The following RAPGEF4 variants were observed in gnomAD, a reference collection of about 807,000 sequenced individuals.
The protein encoded by RAPGEF4 is RAP guanine-nucleotide-exchange factor (GEF) 4.
In RAPGEF4, 66 loss-of-function variants were observed where a neutral mutation model predicts 147.9. That is an observed-to-expected ratio of 0.45 (90% CI 0.37 to 0.55). The LOEUF is 0.55. Among genes scored for constraint, RAPGEF4 ranks in the 20% least tolerant of loss-of-function variants. RAPGEF4 has a pLI of 0.00. For missense variants in RAPGEF4, 1,071 were observed against 1,257.3 expected, an observed-to-expected ratio of 0.85 and a Z score of 2.24; for synonymous variants, 419 against 442.7, an observed-to-expected ratio of 0.95 and a Z score of 0.67.
intron 3 of RAPGEF4, among the ~76,000 whole-genome samples, chr2:172,805,899 A>G (rs1687446647): frequency 6.6e-6 from 1 of 152,188 alleles, no homozygotes; most frequent in African/African-American, 2.4e-5. Context: ...TTTCTCAGTA[A>G]TATTTTAATC....
chr2:172,872,219 C>T (rs73977720), intron 4 of RAPGEF4, among the ~76,000 whole-genome samples: 2,126 of 152,118 alleles, frequency 0.014, 47 homozygotes, highest in East Asian at 0.11. Context: ...GTTAATGGTT[C>T]TTTACTAGTT....
At chr2:172,981,653 A>C (rs1691697011) in intron 10 of RAPGEF4, among the ~76,000 whole-genome samples, 1 of 152,232 alleles carries the variant, frequency 6.6e-6, no homozygotes, top group African/African-American at 2.4e-5. Flanking sequence ...TGATTCCAGA[A>C]GAGAACGTTA....
chr2:172,789,057 A>G (rs1685538926), intron 1 of RAPGEF4, among the ~76,000 whole-genome samples: 2 of 152,196 alleles, frequency 1.3e-5, no homozygotes, highest in South Asian at 4.2e-4. Context: ...GTAACTGCCC[A>G]CATTTCTTGC....
intron 1 of RAPGEF4, among the ~76,000 whole-genome samples, chr2:172,783,264 A>G (rs1684853735): frequency 6.6e-6 from 1 of 152,030 alleles, no homozygotes; most frequent in African/African-American, 2.4e-5. Flanking sequence ...AAGTATTTGG[A>G]CCTTTTTATT....
intron 4 of RAPGEF4, among the ~76,000 whole-genome samples, chr2:172,815,585 G>A (rs561004711): frequency 3.9e-5 from 6 of 152,328 alleles, no homozygotes; most frequent in South Asian, 4.1e-4. Context: ...AAGGGACCAA[G>A]CTTGAGGCAA....
Position 172,965,560 on chromosome 2 carries a change from A to G in RAPGEF4, c.699-2A>G, listed in dbSNP as rs1388315183. 6.2e-7 allele frequency: 1 copy of G among 1,613,168 alleles called. No individual in the cohort carries two copies. Among genetic ancestry groups the G allele is most frequent in the Non-Finnish European group, 8.5e-7 (1 of 1,179,328 alleles). ...CACCCTTTCTGTCTCACCTCTCCTT[A>G]GACAATGCTGTGTGGGAACTGAACT... On this transcript the variant is annotated splice_acceptor_variant, in intron 8 of 30. Transcript: ENST00000397081. LOFTEE classifies it high-confidence loss of function.
At chr2:172,928,436 T>C (rs1469415881) in intron 6 of RAPGEF4, 2 of 297,300 alleles carry the variant, frequency 6.7e-6, no homozygotes, top group East Asian at 1.6e-4. Flanking sequence ...AGAACTCTGA[T>C]CCTTCTGTTG....
chr2:172,767,714 C>G (rs1408445099), intron 1 of RAPGEF4, among the ~76,000 whole-genome samples: 1 of 152,138 alleles, frequency 6.6e-6, no homozygotes, highest in Non-Finnish European at 1.5e-5. Context: ...TTTTTAGAGC[C>G]TACCTTTGTG....
At chr2:172,907,505 C>G (rs554607657) in intron 4 of RAPGEF4, among the ~76,000 whole-genome samples, 2 of 152,224 alleles carry the variant, frequency 1.3e-5, no homozygotes, top group Non-Finnish European at 2.9e-5. Context: ...CTCTCTTGTG[C>G]TCTTCGTTTC....
intron 1 of RAPGEF4, among the ~76,000 whole-genome samples, chr2:172,771,529 C>T (rs1683601981): frequency 2.0e-5 from 3 of 151,946 alleles, no homozygotes; most frequent in Admixed American, 2.0e-4. Flanking sequence ...TGTGATTTTT[C>T]CCCTAATATT....
At chr2:172,744,542 G>C in intron 1 of RAPGEF4, 1 of 355,826 alleles carries the variant, frequency 2.8e-6, no homozygotes, top group Admixed American at 3.3e-5. Flanking sequence ...TTTATTGATG[G>C]TGTAATTTTG....
chr2:173,011,709 A>C (rs1449868120), intron 17 of RAPGEF4, among the ~76,000 whole-genome samples: 2 of 152,202 alleles, frequency 1.3e-5, no homozygotes, highest in Non-Finnish European at 2.9e-5. Context: ...GTTAATTAAT[A>C]ATTAGTGAAT....
chr2:172,818,750 G>A (rs2149618936), intron 4 of RAPGEF4, among the ~76,000 whole-genome samples: 1 of 152,318 alleles, frequency 6.6e-6, no homozygotes, highest in East Asian at 1.9e-4. Context: ...AATAGGCTGA[G>A]CAAATACTCT....
intron 6 of RAPGEF4, among the ~76,000 whole-genome samples, chr2:172,935,063 GC>G (rs754073309): frequency 3.5e-4 from 54 of 152,348 alleles, no homozygotes; most frequent in Admixed American, 9.1e-4. Context: ...TGTAGTCCCA[GC>G]TACTTAGGGG....
chr2:172,945,464 G>A (rs1042407643), intron 6 of RAPGEF4, among the ~76,000 whole-genome samples: 1 of 151,766 alleles, frequency 6.6e-6, no homozygotes, highest in East Asian at 1.9e-4. Context: ...TCCTGTATTT[G>A]TACTAAAATT....
intron 4 of RAPGEF4, among the ~76,000 whole-genome samples, chr2:172,817,553 C>T (rs950398027): frequency 3.3e-5 from 5 of 152,130 alleles, no homozygotes; most frequent in Admixed American, 6.5e-5. Context: ...AAGAACTATA[C>T]GGGGAACAAT....
chr2:172,865,819 T>C (rs1181545153), intron 4 of RAPGEF4, among the ~76,000 whole-genome samples: 1 of 152,184 alleles, frequency 6.6e-6, no homozygotes, highest in Non-Finnish European at 1.5e-5. Flanking sequence ...GCATTGCAAA[T>C]ACTGGCAATT....
chr2:172,992,862 C>G (rs1001097130), intron 15 of RAPGEF4, among the ~76,000 whole-genome samples: 1 of 152,124 alleles, frequency 6.6e-6, no homozygotes, highest in Non-Finnish European at 1.5e-5. Context: ...AAAAGCTGCT[C>G]TCTCAAGGGG....
Position 173,016,061 on chromosome 2 carries a change from A to AT in RAPGEF4, c.1810-284dup. ...GTTGTAAAATAGATATCTAATATAA[A>AT]TTTTCCCATTGTAACCATTTTTAGG... On this transcript the variant is annotated intron_variant, in intron 18 of 30. Transcript: ENST00000397081. Among the ~76,000 whole-genome samples the AT allele has an allele frequency of 4.6e-5, 7 of 152,240 alleles. 1 individual carries two copies. The South Asian group carries it at 1.5e-3, about 32-fold the overall frequency.
Sources: allele counts gnomAD v4.1 joint callset (sites outside exome capture counted in the v4.1 genomes callset), GRCh38; gene constraint gnomAD v4.1.1; transcripts MANE v1.5; gene names NCBI Gene and HGNC (gene_info 2026-07-23, HGNC 2026-07-21).